ABCA8: variants seen among roughly 807,000 people sequenced by gnomAD.
ABCA8 encodes the protein ATP binding cassette subfamily A member 8.
ABCA8 carries 177 observed loss-of-function variants against 192.3 expected under a neutral mutation model. The observed-to-expected ratio is 0.92, with a 90% confidence interval of 0.81 to 1.04. The LOEUF (loss-of-function observed/expected upper bound fraction) is 1.04, where lower values mean the gene tolerates loss of function less well. Ranked by LOEUF, ABCA8 falls within the 50% of genes least tolerant of loss-of-function variation. The pLI, the probability that ABCA8 is intolerant of heterozygous loss-of-function variation, is 0.00. For missense variants in ABCA8, 1,915 were observed against 1,904.8 expected, an observed-to-expected ratio of 1.01 and a Z score of -0.10; for synonymous variants, 642 against 690.2, an observed-to-expected ratio of 0.93 and a Z score of 1.09.
At chr17:68,872,292 G>T (rs1216163529) in intron 37 of ABCA8, among the ~76,000 whole-genome samples, 4 of 152,058 alleles carry the variant, frequency 2.6e-5, no homozygotes, top group Non-Finnish European at 5.9e-5. Context: ...GGACATGGAT[G>T]AAATTGGAAA....
chr17:68,877,748 T>A (rs2066244552), intron 32 of ABCA8, 69 bp from the exon 33 acceptor site: 2 of 1,470,344 alleles, frequency 1.4e-6, no homozygotes, highest in Non-Finnish European at 1.8e-6. Context: ...CATGACATCA[T>A]TCTCTTCACG....
intron 9 of ABCA8, 28 bp from the exon 10 acceptor site, chr17:68,928,091 G>C: frequency 6.6e-7 from 1 of 1,525,960 alleles, no homozygotes; most frequent in Non-Finnish European, 8.9e-7. Flanking sequence ...ATTAATTAAG[G>C]GAAATTAGGT....
chr17:68,917,857 A>G (rs2067416826), intron 16 of ABCA8, among the ~76,000 whole-genome samples, 190 bp downstream of exon 16: 1 of 152,230 alleles, frequency 6.6e-6, no homozygotes, highest in African/African-American at 2.4e-5. Flanking sequence ...ACCAAATTAT[A>G]CAAAATTCTG....
At chr17:68,922,013 AC>A (rs1471408653) in intron 12 of ABCA8, among the ~76,000 whole-genome samples, 1 of 152,000 alleles carries the variant, frequency 6.6e-6, no homozygotes, top group Admixed American at 6.5e-5. Context: ...TATTTCTAAA[AC>A]ATATTCATTT....
At chr17:68,925,239 G>A (rs571080265) in intron 10 of ABCA8, among the ~76,000 whole-genome samples, 6 of 112,776 alleles carry the variant, frequency 5.3e-5, no homozygotes, top group African/African-American at 1.7e-4. Context: ...AGAAGAAATT[G>A]AGAATGACTA....
chr17:68,882,340 C>T (rs1186278181), intron 30 of ABCA8, among the ~76,000 whole-genome samples: 2 of 152,196 alleles, frequency 1.3e-5, no homozygotes, highest in Non-Finnish European at 2.9e-5. Context: ...TGCACTTTCT[C>T]CAACAAGCAA....
chr17:68,937,095 G>C lies in ABCA8; in HGVS notation c.322C>G (p.Pro108Ala). 6.2e-7 allele frequency: 1 copy of C among 1,606,054 alleles called. No homozygotes were observed. Among genetic ancestry groups the C allele is most frequent in the African/African-American group, 1.3e-5 (1 of 74,456 alleles). The change falls in exon 5 of 40, where the codon CCA becomes GCA. Residue 108 changes from proline (P) to alanine (A), a missense_variant. Pro to Ala is a conservative substitution (Grantham distance 27). Transcript: ENST00000586539. ...FLAGKEVLGL[P>A]DEESIKEFTA... ...AATTCTTTAATACTTTCCTCATCTG[G>C]CAGTCCCAAGACCTCTTTACCTTTT...
chr17:68,928,270 A>C (rs943458411), intron 9 of ABCA8, among the ~76,000 whole-genome samples: 17 of 152,250 alleles, frequency 1.1e-4, no homozygotes, highest in African/African-American at 4.1e-4. Context: ...AGTAATTGCT[A>C]TGATAAAAAT....
At chr17:68,882,741 A>T in intron 29 of ABCA8, 22 bp from the exon 30 acceptor site, 1 of 1,601,212 alleles carries the variant, frequency 6.2e-7, no homozygotes, top group Non-Finnish European at 8.5e-7. Flanking sequence ...ACCATCCATT[A>T]ATATTGATTT....
In ABCA8 at chr17:68,929,670, A is replaced by T; in HGVS notation, c.830T>A (p.Ile277Asn). The change falls in exon 8 of 40, where the codon ATC becomes AAC. Residue 277 changes from isoleucine (I) to asparagine (N), a missense_variant. Ile to Asn is a moderately radical substitution (Grantham distance 149). Transcript: ENST00000586539. The stretch of plus-strand genomic sequence containing the variant: ...TGCCAAGAAAAGGGCCATAATGAAG[A>T]TGAAACCAGCATAGAGCAAACCCCA... ...LSWGLLYAGF[I>N]FIMALFLALV... is the part of the protein sequence containing the mutation. The T allele has an allele frequency of 1.2e-6, 2 of 1,613,610 alleles. No individual in the cohort carries two copies. Among genetic ancestry groups the T allele is most frequent in the Non-Finnish European group, 1.7e-6 (2 of 1,179,656 alleles).
chr17:68,922,192 CTCTTTTTTTTTTTTTTT>C lies in ABCA8; in HGVS notation c.1501+33_1501+49del, dbSNP rs2067553891. 1.0e-5 allele frequency: 5 copies of C among 477,584 alleles called. No homozygotes were observed. In the African/African-American group the frequency reaches 2.1e-4, roughly 20 times the overall value. The allele number at this position is 477,584 out of a possible 1,614,324, so 29.6% of individuals were successfully genotyped here. A position where few individuals can be genotyped will look rare whatever the true frequency, so the allele number is the denominator to read the frequency against. The stretch of plus-strand genomic sequence containing the variant: ...TATAACAAATATTTTCTTTCTCTCT[CTCTTTTTTTTTTTTTTT>C]TTTTTTTTTTTTTTTTTTTTTTTTT... On this transcript the variant is annotated intron_variant, in intron 12 of 39. Transcript: ENST00000586539.
chr17:68,876,817 TG>T, intron 33 of ABCA8, 114 bp from the exon 34 acceptor site: 1 of 1,254,090 alleles, frequency 8.0e-7, no homozygotes, highest in Non-Finnish European at 1.1e-6. Flanking sequence ...GAAATACATG[TG>T]GTCGGGGGGC....
intron 9 of ABCA8, 87 bp downstream of exon 9, chr17:68,928,962 T>A (rs948278051): frequency 1.7e-6 from 2 of 1,146,900 alleles, no homozygotes; most frequent in Admixed American, 6.8e-5. Flanking sequence ...CTTACAATGC[T>A]GAGTTTGTAA....
intron 21 of ABCA8, among the ~76,000 whole-genome samples, chr17:68,901,358 G>A (rs1373703803): frequency 3.9e-5 from 6 of 152,148 alleles, no homozygotes; most frequent in Middle Eastern, 3.4e-3. Flanking sequence ...TACAATTGAC[G>A]AGTTATCACA....
chr17:68,929,948 TCA>T (rs2067813590), intron 7 of ABCA8, among the ~76,000 whole-genome samples: 1 of 119,930 alleles, frequency 8.3e-6, no homozygotes, highest in Admixed American at 1.1e-4. Flanking sequence ...AGAAATACAT[TCA>T]CACACACATG....
intron 24 of ABCA8, among the ~76,000 whole-genome samples, chr17:68,889,308 C>T (rs1281565436): frequency 1.3e-5 from 2 of 152,162 alleles, no homozygotes; most frequent in Non-Finnish European, 2.9e-5. Context: ...AATTCACCGC[C>T]TAAGATTGCC....
chr17:68,923,477 G>C (rs1188084151), intron 11 of ABCA8, among the ~76,000 whole-genome samples: 2 of 152,076 alleles, frequency 1.3e-5, no homozygotes, highest in Non-Finnish European at 2.9e-5. Flanking sequence ...TGGGATTGCA[G>C]GTGTGAGCCA....
At chr17:68,910,344 A>G (rs751234376) in intron 17 of ABCA8, among the ~76,000 whole-genome samples, 4 of 152,218 alleles carry the variant, frequency 2.6e-5, no homozygotes, top group Non-Finnish European at 5.9e-5. Flanking sequence ...TCATTGTGGG[A>G]CTTTGCATTG....
intron 17 of ABCA8, among the ~76,000 whole-genome samples, chr17:68,913,603 C>G (rs1262566397): frequency 6.6e-6 from 1 of 151,970 alleles, no homozygotes; most frequent in East Asian, 1.9e-4. Flanking sequence ...CTACTATGAG[C>G]AACTGTATGT....
Sources: allele counts gnomAD v4.1 joint callset (sites outside exome capture counted in the v4.1 genomes callset), GRCh38; gene constraint gnomAD v4.1.1; transcripts MANE v1.5; gene names NCBI Gene and HGNC (gene_info 2026-07-23, HGNC 2026-07-21).